SEMA5A: variants seen among roughly 807,000 people sequenced by gnomAD.
SEMA5A encodes semaphorin 5A.
SEMA5A carries 55 observed loss-of-function variants against 135.5 expected under a neutral mutation model. That is an observed-to-expected ratio of 0.41 (90% CI 0.33 to 0.51). The LOEUF is 0.51. Among genes scored for constraint, SEMA5A ranks in the 20% least tolerant of loss-of-function variants. SEMA5A has a pLI of 0.37. For synonymous variants in SEMA5A, 580 were observed against 546.5 expected, an observed-to-expected ratio of 1.06 and a Z score of -0.85; for missense variants, 1,290 against 1,419.9, an observed-to-expected ratio of 0.91 and a Z score of 1.47.
chr5:9,246,673 T>C (rs1748498889), intron 5 of SEMA5A, among the ~76,000 whole-genome samples: 1 of 152,204 alleles, frequency 6.6e-6, no homozygotes, highest in Non-Finnish European at 1.5e-5. Flanking sequence ...TTAGTAAGAC[T>C]ATCTGAAGAT....
At chr5:9,396,088 G>A (rs932334108) in intron 2 of SEMA5A, among the ~76,000 whole-genome samples, 1 of 152,144 alleles carries the variant, frequency 6.6e-6, no homozygotes, top group African/African-American at 2.4e-5. Context: ...GGTTGTGGAA[G>A]GAAGCTACCC....
At chr5:9,258,199 C>A (rs1025863286) in intron 5 of SEMA5A, among the ~76,000 whole-genome samples, 1 of 152,180 alleles carries the variant, frequency 6.6e-6, no homozygotes, top group Non-Finnish European at 1.5e-5. Flanking sequence ...ACCATCGCCC[C>A]TTCAAATAGG....
At chr5:9,516,247 C>A (rs924098797) in intron 1 of SEMA5A, among the ~76,000 whole-genome samples, 1 of 151,988 alleles carries the variant, frequency 6.6e-6, no homozygotes, top group Non-Finnish European at 1.5e-5. Context: ...GACACAGATA[C>A]GCAAACACCA....
At chr5:9,486,178 C>T (rs937214505) in intron 1 of SEMA5A, among the ~76,000 whole-genome samples, 4 of 151,980 alleles carry the variant, frequency 2.6e-5, no homozygotes, top group Admixed American at 6.6e-5. Context: ...GAACAGAAAA[C>T]GCAACACCAC....
chr5:9,353,659 T>C (rs1180931551), intron 3 of SEMA5A, among the ~76,000 whole-genome samples: 1 of 152,202 alleles, frequency 6.6e-6, no homozygotes, highest in Non-Finnish European at 1.5e-5. Flanking sequence ...CATAGTTTTA[T>C]ATGGCATTTA....
intron 2 of SEMA5A, among the ~76,000 whole-genome samples, chr5:9,431,260 T>TA (rs892954244): frequency 3.3e-5 from 5 of 152,098 alleles, no homozygotes; most frequent in Admixed American, 1.3e-4. Context: ...TTATATGTAC[T>TA]AAAAAAAATC....
rs140954463 is a variant in SEMA5A, at chr5:9,152,249, T to C, written c.1481+2239A>G. On this transcript the variant is annotated intron_variant, in intron 12 of 22. Coordinates refer to ENST00000382496, the MANE Select transcript of SEMA5A (RefSeq NM_003966.3). ...CCCGTGTCACCCTCCAAAAAGGTCA[T>C]CCTTCACTGAGCTGGAGTTGAAAGA... Among the ~76,000 whole-genome samples, 533 of 152,284 alleles carry C rather than the reference T, an allele frequency of 3.5e-3. 2 individuals are homozygous for C. The highest frequency in any genetic ancestry group is 0.012 in the African/African-American group (519 of 41,554).
intron 1 of SEMA5A, among the ~76,000 whole-genome samples, chr5:9,542,165 C>A (rs1426476663): frequency 6.6e-6 from 1 of 152,116 alleles, no homozygotes; most frequent in Non-Finnish European, 1.5e-5. Flanking sequence ...ACCAAGCGTA[C>A]CCATATCTGT....
At chr5:9,301,091 G>T (rs905620179) in intron 5 of SEMA5A, among the ~76,000 whole-genome samples, 4 of 152,138 alleles carry the variant, frequency 2.6e-5, no homozygotes, top group Admixed American at 6.5e-5. Flanking sequence ...AGAACTGACT[G>T]GTTTAAATGT....
chr5:9,129,409 T>C (rs544910274), intron 13 of SEMA5A, among the ~76,000 whole-genome samples: 3 of 152,328 alleles, frequency 2.0e-5, no homozygotes, highest in African/African-American at 7.2e-5. Context: ...CATTTCAGAA[T>C]GAGGACTTGC....
intron 1 of SEMA5A, among the ~76,000 whole-genome samples, chr5:9,473,383 TAAAAAAAAAAAAA>T (rs58137756): frequency 2.5e-5 from 2 of 79,704 alleles, no homozygotes; most frequent in African/African-American, 1.0e-4. Context: ...CAATCAGTGG[TAAAAAAAAAAAAA>T]AAAAAAAAGA....
At chr5:9,115,711 G>A (rs1462015622) in intron 15 of SEMA5A, among the ~76,000 whole-genome samples, 1 of 152,146 alleles carries the variant, frequency 6.6e-6, no homozygotes, top group Non-Finnish European at 1.5e-5. Flanking sequence ...GTGAGGGGTA[G>A]GGATGTGAAT....
Position 9,379,819 on chromosome 5 carries a change from T to C in SEMA5A, c.124+4A>G. 1 of 1,613,560 alleles carries C rather than the reference T, an allele frequency of 6.2e-7. No individual in the cohort carries two copies. Among genetic ancestry groups the C allele is most frequent in the Admixed American group, 1.7e-5 (1 of 59,828 alleles). ...TTTGCAATCAGTGCGTGCTGGTTCC[T>C]TACCTTTATAGGAGATGACTGGATG... is the stretch of plus-strand genomic sequence containing the variant. On this transcript the variant is annotated splice_donor_region_variant and intron_variant, in intron 3 of 22. Coordinates refer to ENST00000382496, the MANE Select transcript of SEMA5A (RefSeq NM_003966.3).
chr5:9,406,455 A>C (rs1756890935), intron 2 of SEMA5A, among the ~76,000 whole-genome samples: 1 of 152,202 alleles, frequency 6.6e-6, no homozygotes, highest in African/African-American at 2.4e-5. Flanking sequence ...GAATTGAATA[A>C]ATTTCTGCTT....
At chr5:9,483,012 C>A (rs1401160962) in intron 1 of SEMA5A, among the ~76,000 whole-genome samples, 1 of 152,152 alleles carries the variant, frequency 6.6e-6, no homozygotes, top group Non-Finnish European at 1.5e-5. Flanking sequence ...TCAGTTTTTT[C>A]TCCTGTTGTG....
intron 8 of SEMA5A, among the ~76,000 whole-genome samples, chr5:9,211,271 GAA>G (rs5865811): frequency 4.6e-5 from 7 of 151,724 alleles, no homozygotes; most frequent in South Asian, 2.1e-4. Context: ...TGCTTATTTG[GAA>G]AAAAAAAATA....
At chr5:9,158,871 C>G (rs1050981329) in intron 11 of SEMA5A, among the ~76,000 whole-genome samples, 8 of 152,318 alleles carry the variant, frequency 5.3e-5, no homozygotes, top group Non-Finnish European at 1.2e-4. Flanking sequence ...TTATACTTCA[C>G]TACATATTTG....
chr5:9,070,714 C>A (rs1346172667), intron 16 of SEMA5A, among the ~76,000 whole-genome samples: 1 of 152,324 alleles, frequency 6.6e-6, no homozygotes, highest in East Asian at 1.9e-4. Flanking sequence ...CCTCCAACAA[C>A]AGTCTGTTCT....
chr5:9,130,583 A>C (rs1741354160), intron 13 of SEMA5A, among the ~76,000 whole-genome samples: 1 of 152,216 alleles, frequency 6.6e-6, no homozygotes, highest in South Asian at 2.1e-4. Flanking sequence ...TATAAAATGG[A>C]AGCAAAAATA....
Sources: allele counts gnomAD v4.1 joint callset (sites outside exome capture counted in the v4.1 genomes callset), GRCh38; gene constraint gnomAD v4.1.1; transcripts MANE v1.5; gene names NCBI Gene and HGNC (gene_info 2026-07-23, HGNC 2026-07-21).